Variants in CYP4X1 observed in about 807,000 individuals in gnomAD.
CYP4X1 encodes cytochrome P450 4X1.
A neutral mutation model predicts 57.9 loss-of-function variants in CYP4X1; 44 were observed. That is an observed-to-expected ratio of 0.76 (90% confidence interval 0.60 to 0.98). The LOEUF (loss-of-function observed/expected upper bound fraction) is 0.98, where lower values mean the gene tolerates loss of function less well. Among genes scored for constraint, CYP4X1 ranks in the 50% least tolerant of loss-of-function variants. The pLI is 0.00. For missense variants in CYP4X1, 532 were observed against 623.9 expected (o/e 0.85, Z 1.57); for synonymous variants, 227 against 228.6 (o/e 0.99, Z 0.06).
chr1:46,982,179 G>GT, the CYP4X1 span, among the ~76,000 whole-genome samples: 1 of 152,132 alleles, frequency 6.6e-6, no homozygotes, highest in African/African-American at 2.4e-5. Context: ...ATTGTACTAT[G>GT]TTTTTTCAGC....
chr1:46,965,051 T>C, the CYP4X1 span, among the ~76,000 whole-genome samples: 2 of 152,200 alleles, frequency 1.3e-5, no homozygotes, highest in Non-Finnish European at 2.9e-5. Flanking sequence ...GCACAGGATA[T>C]AGTCTCCTGG....
the CYP4X1 span, among the ~76,000 whole-genome samples, chr1:46,974,150 G>A: frequency 6.6e-6 from 1 of 152,060 alleles, no homozygotes; most frequent in East Asian, 1.9e-4. Flanking sequence ...ACAATTTTTT[G>A]ATTTCTGTCT....
chr1:47,004,311 A>G, the CYP4X1 span, among the ~76,000 whole-genome samples: 1 of 152,202 alleles, frequency 6.6e-6, no homozygotes, highest in Non-Finnish European at 1.5e-5. Flanking sequence ...TCTTTGTTCA[A>G]GACACCAAGA....
chr1:47,032,288 T>C (rs570095365), intron 3 of CYP4X1, among the ~76,000 whole-genome samples: 42 of 152,320 alleles, frequency 2.8e-4, no homozygotes, highest in Non-Finnish European at 5.0e-4. Flanking sequence ...GAAAAGAATA[T>C]AGGCTTGTAT....
At chr1:46,963,396 T>C in the CYP4X1 span, among the ~76,000 whole-genome samples, 1 of 151,220 alleles carries the variant, frequency 6.6e-6, no homozygotes, top group African/African-American at 2.4e-5. Flanking sequence ...TGGTACTGGT[T>C]GTTCCTTTCC....
At chr1:47,035,555 G>A (rs12736235) in intron 4 of CYP4X1, among the ~76,000 whole-genome samples, 63,930 of 151,986 alleles carry the variant, frequency 0.42, 14,823 homozygotes, top group East Asian at 0.97. Context: ...TTGAAAAGCC[G>A]CAGATCTTTA....
At chr1:47,025,777 G>A (rs777530157) in intron 1 of CYP4X1, among the ~76,000 whole-genome samples, 27 of 151,944 alleles carry the variant, frequency 1.8e-4, no homozygotes, top group Non-Finnish European at 3.7e-4. Context: ...AAATCTGTTC[G>A]TTTTTTTGGA....
At chr1:46,995,998 G>T in the CYP4X1 span, among the ~76,000 whole-genome samples, 3 of 152,260 alleles carry the variant, frequency 2.0e-5, no homozygotes, top group East Asian at 5.8e-4. Context: ...TGTGAAACCT[G>T]GTTTTGGCTG....
intron 8 of CYP4X1, among the ~76,000 whole-genome samples, chr1:47,044,949 C>T (rs1222207778): frequency 1.3e-5 from 2 of 152,024 alleles, no homozygotes; most frequent in African/African-American, 4.8e-5. Flanking sequence ...CTCAGCCTTC[C>T]TGAGTAGCTG....
chr1:46,963,763 T>C, the CYP4X1 span, among the ~76,000 whole-genome samples: 2 of 152,104 alleles, frequency 1.3e-5, no homozygotes, highest in Non-Finnish European at 1.5e-5. Flanking sequence ...GTGGCATTCT[T>C]TTTATTTCCT....
chr1:47,025,548 A>G (rs953241644), intron 1 of CYP4X1, among the ~76,000 whole-genome samples: 2 of 152,190 alleles, frequency 1.3e-5, no homozygotes, highest in African/African-American at 4.8e-5. Context: ...TTCTATTTGT[A>G]TTATTTTTAT....
chr1:47,007,432 A>C, the CYP4X1 span, among the ~76,000 whole-genome samples: 1 of 152,224 alleles, frequency 6.6e-6, no homozygotes, highest in Non-Finnish European at 1.5e-5. Context: ...TCTGTACGTC[A>C]CCATGATCAA....
chr1:47,019,422 C>A (rs903598149), upstream of CYP4X1, among the ~76,000 whole-genome samples: 1 of 152,182 alleles, frequency 6.6e-6, no homozygotes, highest in Non-Finnish European at 1.5e-5. Flanking sequence ...TGCTTCAAAG[C>A]CCAGGAAAGG....
chr1:46,992,207 T>C, the CYP4X1 span, among the ~76,000 whole-genome samples: 4 of 152,232 alleles, frequency 2.6e-5, no homozygotes, highest in African/African-American at 9.6e-5. Flanking sequence ...TCTCAGCTAC[T>C]TGGGAGGCTG....
chr1:46,967,784 G>A, the CYP4X1 span: 3 of 1,357,406 alleles, frequency 2.2e-6, no homozygotes, highest in Non-Finnish European at 2.9e-6. Flanking sequence ...ATCCTGGTGG[G>A]ATCAGGCAGC....
the CYP4X1 span, among the ~76,000 whole-genome samples, chr1:46,964,259 T>C: frequency 5.3e-5 from 8 of 152,358 alleles, no homozygotes; most frequent in East Asian, 1.5e-3. Flanking sequence ...TCATTCTCCG[T>C]CCATCTTTGT....
the CYP4X1 span, among the ~76,000 whole-genome samples, chr1:47,001,739 T>C: frequency 3.1e-4 from 47 of 152,268 alleles, no homozygotes; most frequent in African/African-American, 1.1e-3. Context: ...TGCTTCTCCT[T>C]CCTCCACACT....
chr1:47,052,943 G>C (rs1221577303), downstream of CYP4X1, among the ~76,000 whole-genome samples: 1 of 151,754 alleles, frequency 6.6e-6, no homozygotes, highest in Non-Finnish European at 1.5e-5. Context: ...TACACTTTAA[G>C]TTTTAGGGTA....
the CYP4X1 span, among the ~76,000 whole-genome samples, chr1:47,009,817 T>C: frequency 1.3e-5 from 2 of 152,192 alleles, no homozygotes; most frequent in Non-Finnish European, 2.9e-5. Flanking sequence ...CTAGAAGCAA[T>C]GGATAAATTC....
Sources: gnomAD v4.1 joint callset for allele counts (sites outside exome capture counted in the v4.1 genomes callset) on GRCh38, gnomAD v4.1.1 for gene constraint, MANE v1.5 for transcripts, NCBI Gene and HGNC (gene_info 2026-07-23, HGNC 2026-07-21) for gene names.